Variants in SATB1 observed in about 807,000 individuals in gnomAD.
The protein encoded by SATB1 is DNA-binding protein SATB1.
A neutral mutation model predicts 86.9 loss-of-function variants in SATB1; 11 were observed. The ratio of observed to expected loss-of-function variants is 0.13; its 90% CI spans 0.08 to 0.21. SATB1 has a LOEUF of 0.21. Among genes scored for constraint, SATB1 ranks in the 10% least tolerant of loss-of-function variants. SATB1 has a pLI of 1.00. For synonymous variants in SATB1, 357 were observed against 357.2 expected (o/e 1.00, Z 0.01); for missense variants, 551 against 937.6 (o/e 0.59, Z 5.39).
intron 9 of SATB1, among the ~76,000 whole-genome samples, chr3:18,357,944 C>T (rs1434963607): frequency 6.6e-6 from 1 of 151,792 alleles, no homozygotes; most frequent in Non-Finnish European, 1.5e-5. Flanking sequence ...CCACTTGTGA[C>T]CTTTTTTCAT....
At chr3:18,367,763 C>T (rs1272285900) in intron 9 of SATB1, among the ~76,000 whole-genome samples, 4 of 152,166 alleles carry the variant, frequency 2.6e-5, no homozygotes, top group Non-Finnish European at 5.9e-5. Flanking sequence ...TTTGTATTAA[C>T]AGGCATGCCA....
At chr3:18,356,434 A>AG (rs1694644619) in intron 9 of SATB1, among the ~76,000 whole-genome samples, 1 of 150,738 alleles carries the variant, frequency 6.6e-6, no homozygotes, top group Non-Finnish European at 1.5e-5. Flanking sequence ...AAAAAAAAAA[A>AG]GGAAAAGAGA....
intron 5 of SATB1, among the ~76,000 whole-genome samples, chr3:18,398,477 C>T: frequency 6.6e-6 from 1 of 152,104 alleles, no homozygotes; most frequent in East Asian, 1.9e-4. Flanking sequence ...CAGTGAACAA[C>T]CAGAAAAGCC....
In SATB1 at chr3:18,349,529, T is replaced by C; in HGVS notation, c.1933A>G (p.Thr645Ala). 1 of 1,614,004 alleles carries C rather than the reference T, an allele frequency of 6.2e-7. No individual in the cohort carries two copies. The highest frequency in any genetic ancestry group is 8.5e-7 in the Non-Finnish European group (1 of 1,179,996). Residue 645 changes from threonine to alanine, a missense_variant, in exon 11 of 11, where the codon ACC becomes GCC. Physicochemically the swap from Thr to Ala is moderately conservative, Grantham distance 58. Transcript: ENST00000338745. The surrounding 1 kb of genome is among the most constrained non-coding windows in gnomAD (Gnocchi z 5.5). ...ACTGAAATTTTTGTTCGTGGCCGGG[T>C]CTTCTGTCGGTTTTCCTCATCTGAC... ...AESDEENRQKTRPRTKISVEA... is the reference protein window; with the variant it reads ...AESDEENRQKARPRTKISVEA...
chr3:18,347,034 G>GAGCTT lies in SATB1; in HGVS notation c.*2131_*2135dup, dbSNP rs1694092433. The GAGCTT allele has an allele frequency of 6.6e-6, 1 of 152,144 alleles. No homozygotes were observed. Among genetic ancestry groups the GAGCTT allele is most frequent in the Non-Finnish European group, 1.5e-5 (1 of 68,018 alleles). 9.4% of individuals were successfully genotyped at this position (152,144 alleles called of 1,614,324 possible). Reference sequence around the variant, plus strand: ...TGCAACAAACCAGCTGCCTTCAGAGGAGCTTAGCTGTGCTTCAAAAGTAAA... The same window carrying GAGCTT: ...TGCAACAAACCAGCTGCCTTCAGAGGAGCTTAGCTTAGCTGTGCTTCAAAAGTAAA... On this transcript the variant is annotated 3_prime_UTR_variant, in exon 11 of 11. Transcript: ENST00000338745.
rs773498915 is a variant in SATB1 at position 18,349,336 on chromosome 3, T to C, written c.2126A>G (p.Asn709Ser). The C allele has an allele frequency of 6.2e-7, 1 of 1,614,202 alleles. No individual in the cohort carries two copies. Residue 709 changes from asparagine to serine, a missense_variant, in exon 11 of 11, where the codon AAT becomes AGT. Coordinates refer to ENST00000338745, the MANE Select transcript of SATB1 (RefSeq NM_002971.6). The surrounding 1 kb of genome is among the most constrained non-coding windows in gnomAD (Gnocchi z 5.5). ...YLKHHGKLKDNSGLEVDVAEY... is the reference protein window; with the variant it reads ...YLKHHGKLKDSSGLEVDVAEY... Reference sequence around the variant, plus strand: ...TGCCACATCGACCTCTAAACCGGAATTGTCCTTCAGTTTGCCGTGGTGCTT... The same window carrying C: ...TGCCACATCGACCTCTAAACCGGAACTGTCCTTCAGTTTGCCGTGGTGCTT...
intron 2 of SATB1, chr3:18,417,833 A>C: frequency 1.8e-6 from 1 of 564,210 alleles, no homozygotes; most frequent in Non-Finnish European, 3.1e-6. Flanking sequence ...AAAATGAGAG[A>C]TAGAAAAGGA....
chr3:18,413,530 C>T (rs1697971986), intron 5 of SATB1, among the ~76,000 whole-genome samples: 1 of 152,046 alleles, frequency 6.6e-6, no homozygotes, highest in Non-Finnish European at 1.5e-5. Flanking sequence ...ATGTTAGCAA[C>T]CATGTAACAT....
At chr3:18,445,286 C>T (rs1462386601) in intron 1 of SATB1, 1 of 983,834 alleles carries the variant, frequency 1.0e-6, no homozygotes. Context: ...GAGCCGAGCC[C>T]GAGCCGCCGC....
intron 9 of SATB1, among the ~76,000 whole-genome samples, chr3:18,373,578 C>T (rs1695581548): frequency 1.3e-5 from 2 of 152,152 alleles, no homozygotes; most frequent in Admixed American, 1.3e-4. Flanking sequence ...GTCTTACTTG[C>T]ATTTAAGACA....
At chr3:18,363,440 T>C (rs115754915) in intron 9 of SATB1, among the ~76,000 whole-genome samples, 45 of 152,288 alleles carry the variant, frequency 3.0e-4, no homozygotes, top group African/African-American at 9.1e-4. Flanking sequence ...GGCCGGGTTA[T>C]AATTTTACCA....
rs146561634 is a variant in SATB1, at chr3:18,435,863, A to T, written c.-25+926T>A. ...ACAATTAATAGGGCAAATAGAGGAG[A>T]CTGTGTTTTTAAAGAGACAGAATGT... On this transcript the variant is annotated intron_variant, in intron 2 of 3. Coordinates refer to the SATB1 transcript ENST00000414509. Among the ~76,000 whole-genome samples, 170 of 152,242 alleles carry T rather than the reference A, an allele frequency of 1.1e-3. 1 individual carries two copies. Among genetic ancestry groups the T allele is most frequent in the African/African-American group, 3.8e-3 (157 of 41,550 alleles).
intron 2 of SATB1, chr3:18,435,084 T>G (rs1181494289): frequency 6.6e-6 from 1 of 152,158 alleles, no homozygotes; most frequent in African/African-American, 2.4e-5. Context: ...AATGAAAAAT[T>G]ACATGCCGGT....
chr3:18,400,058 T>C (rs1481303905), intron 5 of SATB1, among the ~76,000 whole-genome samples: 1 of 151,882 alleles, frequency 6.6e-6, no homozygotes, highest in African/African-American at 2.4e-5. Context: ...ATTTGAAAAA[T>C]CATATACAGT....
intron 9 of SATB1, among the ~76,000 whole-genome samples, chr3:18,363,164 A>T (rs1389350787): frequency 6.6e-6 from 1 of 152,108 alleles, no homozygotes; most frequent in Non-Finnish European, 1.5e-5. Context: ...AAAAATTTTT[A>T]AAAGCAGGGC....
At chr3:18,363,274 A>G (rs1011963050) in intron 9 of SATB1, among the ~76,000 whole-genome samples, 2 of 152,194 alleles carry the variant, frequency 1.3e-5, no homozygotes, top group Non-Finnish European at 2.9e-5. Flanking sequence ...TTTTGCTGAT[A>G]AAGTGTCCAA....
At chr3:18,409,656 C>A (rs1318608122) in intron 5 of SATB1, 1 of 152,000 alleles carries the variant, frequency 6.6e-6, no homozygotes, top group Non-Finnish European at 1.5e-5. Context: ...TATTTATAAT[C>A]TAAGATTCCC....
chr3:18,366,199 A>G (rs1559403113), intron 9 of SATB1, among the ~76,000 whole-genome samples: 1 of 152,158 alleles, frequency 6.6e-6, no homozygotes, highest in African/African-American at 2.4e-5. Context: ...AGCAGCTATT[A>G]AATGCTACAG....
At chr3:18,428,914 C>G (rs1176045669), upstream of SATB1, among the ~76,000 whole-genome samples, 5 of 152,150 alleles carry the variant, frequency 3.3e-5, no homozygotes, top group Non-Finnish European at 4.4e-5. Flanking sequence ...ATTTAGAATT[C>G]GAGTGCTTTT....
Sources: allele counts gnomAD v4.1 joint callset (sites outside exome capture counted in the v4.1 genomes callset), GRCh38; gene constraint gnomAD v4.1.1; non-coding constraint Gnocchi (gnomAD v3.1); transcripts MANE v1.5; gene names NCBI Gene and HGNC (gene_info 2026-07-23, HGNC 2026-07-21).